The following VPS8 variants were observed in gnomAD, a reference collection of about 807,000 sequenced individuals.
VPS8 encodes VPS8 subunit of CORVET complex.
Under a neutral mutation model 216.4 loss-of-function variants are expected in VPS8, and 129 were observed. The observed-to-expected ratio is 0.60, with a 90% CI of 0.52 to 0.69. The LOEUF is 0.69. Ranked by LOEUF, VPS8 falls within the 30% of genes least tolerant of loss-of-function variation. The pLI is 0.00. For synonymous variants in VPS8, 571 were observed against 565.4 expected (o/e 1.01, Z -0.14); for missense variants, 1,531 against 1,683.5 (o/e 0.91, Z 1.59).
chr3:184,959,383 T>G (rs929473430), intron 37 of VPS8, among the ~76,000 whole-genome samples: 2 of 152,186 alleles, frequency 1.3e-5, no homozygotes, highest in African/African-American at 4.8e-5. Flanking sequence ...CTTACTGAAC[T>G]CATGAAAATA....
At chr3:185,005,625 T>TTTATTTTA (rs143945623) in intron 45 of VPS8, among the ~76,000 whole-genome samples, 51 of 150,330 alleles carry the variant, frequency 3.4e-4, no homozygotes, top group African/African-American at 1.2e-3. Flanking sequence ...ATTTTATTTA[T>TTTATTTTA]TTTATTTATT....
At position 184,854,099 on chromosome 3, in the gene VPS8, A is replaced by G. The variant is rs1002311722; in HGVS notation, c.976-15A>G. The G allele has an allele frequency of 1.9e-6, 3 of 1,613,462 alleles. No individual in the cohort carries two copies. The highest frequency in any genetic ancestry group is 2.7e-5 in the African/African-American group (2 of 74,908). On this transcript the variant is annotated splice_polypyrimidine_tract_variant and intron_variant, in intron 12 of 47. Coordinates refer to ENST00000625842, the MANE Select transcript of VPS8 (RefSeq NM_001009921.3). Reference sequence around the variant, plus strand: ...ATTCCAAGGTCAATATTGAAAACATATTTTTCTCTTACAGATACTGGTCAT... The same window carrying G: ...ATTCCAAGGTCAATATTGAAAACATGTTTTTCTCTTACAGATACTGGTCAT...
At chr3:185,033,145 A>G (rs1178473843) in intron 46 of VPS8, among the ~76,000 whole-genome samples, 1 of 152,194 alleles carries the variant, frequency 6.6e-6, no homozygotes, top group Admixed American at 6.5e-5. Flanking sequence ...ATTATTAACT[A>G]AAGTCCATGG....
intron 21 of VPS8, among the ~76,000 whole-genome samples, chr3:184,876,603 C>G (rs1729323549): frequency 6.6e-6 from 1 of 152,112 alleles, no homozygotes; most frequent in Non-Finnish European, 1.5e-5. Flanking sequence ...TTTGTAGGTA[C>G]CTCAGACTCT....
chr3:184,982,706 C>A, intron 41 of VPS8, 59 bp downstream of exon 41: 1 of 1,336,298 alleles, frequency 7.5e-7, no homozygotes, highest in East Asian at 2.3e-5. Context: ...CAATATTTGT[C>A]TGCAGAAACT....
chr3:184,970,822 C>G (rs990025581), intron 39 of VPS8, among the ~76,000 whole-genome samples: 2 of 152,102 alleles, frequency 1.3e-5, no homozygotes, highest in African/African-American at 4.8e-5. Context: ...GCCAAAAGTT[C>G]AACTAAGAGA....
intron 45 of VPS8, among the ~76,000 whole-genome samples, chr3:185,018,934 AG>A (rs1184657452): frequency 6.6e-6 from 1 of 152,166 alleles, no homozygotes; most frequent in African/African-American, 2.4e-5. Context: ...AAAGATCTGG[AG>A]GATCAAGCCA....
At chr3:185,018,667 G>A (rs1161627680) in intron 45 of VPS8, among the ~76,000 whole-genome samples, 2 of 152,208 alleles carry the variant, frequency 1.3e-5, no homozygotes. Flanking sequence ...CATTACAAGA[G>A]GAGAACCTGG....
chr3:185,028,941 G>C (rs1757747469), intron 46 of VPS8, among the ~76,000 whole-genome samples: 1 of 152,202 alleles, frequency 6.6e-6, no homozygotes, highest in Non-Finnish European at 1.5e-5. Flanking sequence ...CTTCCTGGTG[G>C]TTTATGAGAA....
chr3:185,034,085 T>A (rs1186139568), intron 46 of VPS8, among the ~76,000 whole-genome samples: 1 of 152,148 alleles, frequency 6.6e-6, no homozygotes. Context: ...GTTGTTCCCG[T>A]ATTTATCTCC....
At chr3:184,851,139 T>G (rs1239077207) in intron 10 of VPS8, among the ~76,000 whole-genome samples, 1 of 152,130 alleles carries the variant, frequency 6.6e-6, no homozygotes, top group Admixed American at 6.6e-5. Flanking sequence ...AACTAGATGG[T>G]GGTGTTTATA....
At chr3:185,014,710 T>G (rs529736532) in intron 45 of VPS8, among the ~76,000 whole-genome samples, 3 of 152,288 alleles carry the variant, frequency 2.0e-5, no homozygotes, top group African/African-American at 7.2e-5. Flanking sequence ...CTTTTTTGTT[T>G]TTGTAACTGC....
rs1298836777 is a variant in VPS8, at chr3:184,938,641, C to CTTTTTTTT, written c.2989-1549_2989-1548insTTTTTTTT. Among the ~76,000 whole-genome samples, 7 of 138,130 alleles carry CTTTTTTTT rather than the reference C, an allele frequency of 5.1e-5. 1 individual carries two copies. The highest frequency in any genetic ancestry group is 7.6e-5 in the Non-Finnish European group (5 of 66,048). The allele number at this position is 138,130 out of a possible 152,430, so 90.6% of individuals were successfully genotyped here. On this transcript the variant is annotated intron_variant, in intron 35 of 47. Transcript: ENST00000625842. ...CACTTGTAGGATTTTCTTTTCTTTT[C>CTTTTTTTT]TTTTTTTCTTTTTTTTTTTTTGTAG... is the stretch of plus-strand genomic sequence containing the variant.
intron 28 of VPS8, among the ~76,000 whole-genome samples, chr3:184,919,736 G>T (rs1251386484): frequency 6.6e-6 from 1 of 152,080 alleles, no homozygotes; most frequent in African/African-American, 2.4e-5. Context: ...AATAAAATGT[G>T]TCTTAGTTAT....
At chr3:185,016,853 G>C (rs1449101382) in intron 45 of VPS8, among the ~76,000 whole-genome samples, 1 of 152,046 alleles carries the variant, frequency 6.6e-6, no homozygotes, top group South Asian at 2.1e-4. Context: ...TTTCTTAGCG[G>C]CCATTGTTCT....
chr3:184,961,331 C>A (rs1746468788), intron 37 of VPS8, among the ~76,000 whole-genome samples: 1 of 152,170 alleles, frequency 6.6e-6, no homozygotes, highest in South Asian at 2.1e-4. Context: ...GAAACAGTTG[C>A]CTGTATTTTC....
At chr3:184,878,101 T>C (rs1315655476) in intron 21 of VPS8, among the ~76,000 whole-genome samples, 10 of 152,102 alleles carry the variant, frequency 6.6e-5, no homozygotes, top group African/African-American at 2.4e-4. Flanking sequence ...AAAAATAATA[T>C]AATTTTAAAA....
intron 8 of VPS8, among the ~76,000 whole-genome samples, chr3:184,845,874 G>C (rs769865511): frequency 2.7e-5 from 4 of 150,634 alleles, no homozygotes; most frequent in Non-Finnish European, 4.4e-5. Context: ...CATCACTGCT[G>C]TTTTTTTTTA....
chr3:185,010,584 A>G (rs1754873496), intron 45 of VPS8, among the ~76,000 whole-genome samples: 3 of 152,180 alleles, frequency 2.0e-5, no homozygotes, highest in Non-Finnish European at 2.9e-5. Flanking sequence ...TAAAACTACA[A>G]TGTCTGAGAT....
Sources: gnomAD v4.1 joint callset for allele counts (sites outside exome capture counted in the v4.1 genomes callset) on GRCh38, gnomAD v4.1.1 for gene constraint, MANE v1.5 for transcripts, NCBI Gene and HGNC (gene_info 2026-07-23, HGNC 2026-07-21) for gene names.